The following AGBL4 variants were observed in gnomAD, a reference collection of about 807,000 sequenced individuals.
AGBL4 encodes AGBL carboxypeptidase 4, also known as cytosolic carboxypeptidase 6.
AGBL4 carries 58 observed loss-of-function variants against 66.4 expected under a neutral mutation model. That is an observed-to-expected ratio of 0.87 (90% confidence interval 0.71 to 1.09). The LOEUF (loss-of-function observed/expected upper bound fraction) is 1.09, where lower values mean the gene tolerates loss of function less well. Ranked by LOEUF, AGBL4 falls within the 50% of genes least tolerant of loss-of-function variation. The pLI is 0.00. For synonymous variants in AGBL4, 234 were observed against 222.9 expected (o/e 1.05, Z -0.44); for missense variants, 579 against 631.0 (o/e 0.92, Z 0.88).
chr1:49,145,242 C>A (rs1646195793), intron 4 of AGBL4, among the ~76,000 whole-genome samples: 1 of 152,004 alleles, frequency 6.6e-6, no homozygotes, highest in South Asian at 2.1e-4. Flanking sequence ...CTCTACTCAC[C>A]ACTCTTGCCA....
intron 3 of AGBL4, among the ~76,000 whole-genome samples, chr1:49,278,418 C>G (rs1008721039): frequency 6.6e-6 from 1 of 152,046 alleles, no homozygotes. Flanking sequence ...TCATAAGAAA[C>G]CTTTCCCTTT....
chr1:49,658,062 G>A (rs1223538347), intron 3 of AGBL4, among the ~76,000 whole-genome samples: 7 of 152,134 alleles, frequency 4.6e-5, no homozygotes, highest in African/African-American at 1.7e-4. Flanking sequence ...CCATCAGAGT[G>A]AATAGGCAAC....
intron 1 of AGBL4, chr1:49,995,536 C>T (rs1660304772): frequency 3.1e-6 from 1 of 323,666 alleles, no homozygotes; most frequent in Admixed American, 4.0e-5. Context: ...CTAACCCTGC[C>T]CTCACCTGAA....
chr1:49,211,984 C>T (rs1363000853), intron 4 of AGBL4, among the ~76,000 whole-genome samples: 2 of 152,012 alleles, frequency 1.3e-5, no homozygotes, highest in Non-Finnish European at 2.9e-5. Flanking sequence ...GTCACTCAAT[C>T]ATCACAAAAA....
chr1:48,908,265 G>C (rs1156393040), intron 5 of AGBL4, among the ~76,000 whole-genome samples: 1 of 151,998 alleles, frequency 6.6e-6, no homozygotes, highest in Non-Finnish European at 1.5e-5. Flanking sequence ...ACTCTCACAG[G>C]GTCATCCTGA....
intron 3 of AGBL4, among the ~76,000 whole-genome samples, chr1:49,641,156 T>A (rs1645774144): frequency 6.6e-6 from 1 of 152,148 alleles, no homozygotes. Flanking sequence ...AACTTCCTTC[T>A]TTCTCTTAGT....
intron 3 of AGBL4, among the ~76,000 whole-genome samples, chr1:49,337,187 T>C (rs1039394330): frequency 1.3e-5 from 2 of 152,160 alleles, no homozygotes; most frequent in African/African-American, 4.8e-5. Flanking sequence ...GGTTATCTTC[T>C]TCCTTTAGTT....
At chr1:48,677,102 G>T (rs980833387) in intron 6 of AGBL4, among the ~76,000 whole-genome samples, 1 of 152,188 alleles carries the variant, frequency 6.6e-6, no homozygotes, top group African/African-American at 2.4e-5. Flanking sequence ...GTAAGTGGCT[G>T]GGGCTGGCTC....
chr1:48,885,426 T>C (rs1303204846), intron 5 of AGBL4, among the ~76,000 whole-genome samples: 1 of 152,186 alleles, frequency 6.6e-6, no homozygotes, highest in Non-Finnish European at 1.5e-5. Flanking sequence ...ACTAATCTAG[T>C]CCAAACTTTA....
At chr1:49,595,145 G>C (rs1257575500) in intron 3 of AGBL4, among the ~76,000 whole-genome samples, 3 of 152,116 alleles carry the variant, frequency 2.0e-5, no homozygotes, top group African/African-American at 4.8e-5. Context: ...CTGGAGTGCA[G>C]TGGCACGATC....
chr1:49,995,011 T>C (rs1373923279), intron 1 of AGBL4: 2 of 404,688 alleles, frequency 4.9e-6, no homozygotes, highest in Non-Finnish European at 9.9e-6. Flanking sequence ...GGGAAGCCAT[T>C]GTTGACTTTG....
At chr1:49,213,405 T>A (rs1274047455) in intron 4 of AGBL4, among the ~76,000 whole-genome samples, 3 of 152,004 alleles carry the variant, frequency 2.0e-5, no homozygotes, top group Admixed American at 6.6e-5. Flanking sequence ...GATGTTTGGG[T>A]CATGGCGGCA....
intron 3 of AGBL4, among the ~76,000 whole-genome samples, chr1:49,257,776 C>A (rs928654505): frequency 1.3e-5 from 2 of 152,202 alleles, no homozygotes; most frequent in African/African-American, 4.8e-5. Flanking sequence ...ACGCTGGGAG[C>A]TGTAGACCAG....
intron 4 of AGBL4, among the ~76,000 whole-genome samples, chr1:49,239,940 T>G (rs1283654624): frequency 6.6e-6 from 1 of 152,042 alleles, no homozygotes; most frequent in Non-Finnish European, 1.5e-5. Context: ...AGGATGTAAT[T>G]TAATTTTAAA....
intron 5 of AGBL4, among the ~76,000 whole-genome samples, chr1:48,964,520 A>G (rs1042263613): frequency 6.6e-6 from 1 of 152,182 alleles, no homozygotes; most frequent in African/African-American, 2.4e-5. Context: ...TGAATTCTTA[A>G]TATGTACCAG....
chr1:48,550,456 T>C (rs185124979), intron 11 of AGBL4, among the ~76,000 whole-genome samples: 1 of 152,202 alleles, frequency 6.6e-6, no homozygotes, highest in African/African-American at 2.4e-5. Context: ...GATCTCTCTC[T>C]GCCTGTCTCT....
chr1:49,689,624 A>T (rs1646849458), intron 3 of AGBL4, among the ~76,000 whole-genome samples: 1 of 152,102 alleles, frequency 6.6e-6, no homozygotes, highest in Non-Finnish European at 1.5e-5. Context: ...TGGTATTTTG[A>T]TAGAGATTAC....
At chr1:49,494,018 C>G (rs934894160) in intron 3 of AGBL4, among the ~76,000 whole-genome samples, 7 of 151,864 alleles carry the variant, frequency 4.6e-5, no homozygotes, top group African/African-American at 1.7e-4. Context: ...AAAACAGGGT[C>G]ACCAGTCTAG....
At chr1:49,663,832 A>T (rs138689716) in intron 3 of AGBL4, among the ~76,000 whole-genome samples, 5 of 152,236 alleles carry the variant, frequency 3.3e-5, no homozygotes, top group African/African-American at 1.2e-4. Flanking sequence ...AAAGAGAAGA[A>T]ATATCATTTA....
Sources: gnomAD v4.1 joint callset for allele counts (sites outside exome capture counted in the v4.1 genomes callset) on GRCh38, gnomAD v4.1.1 for gene constraint, MANE v1.5 for transcripts, NCBI Gene and HGNC (gene_info 2026-07-23, HGNC 2026-07-21) for gene names.